The following ACACB variants were observed in gnomAD, a reference collection of about 807,000 sequenced individuals.
The protein encoded by ACACB is acetyl-CoA carboxylase 2.
A neutral mutation model predicts 278.8 loss-of-function variants in ACACB; 209 were observed. The ratio of observed to expected loss-of-function variants is 0.75; its 90% confidence interval spans 0.67 to 0.84. The LOEUF (loss-of-function observed/expected upper bound fraction) is 0.84. Ranked by LOEUF, ACACB falls within the 40% of genes least tolerant of loss-of-function variation. The pLI is 0.00. For synonymous variants in ACACB, 1,174 were observed against 1,285.6 expected, an observed-to-expected ratio of 0.91 and a Z score of 1.86; for missense variants, 2,850 against 3,269.0, an observed-to-expected ratio of 0.87 and a Z score of 3.13.
chr12:109,209,822 CAT>C (rs1184604505), intron 21 of ACACB, among the ~76,000 whole-genome samples: 4 of 133,482 alleles, frequency 3.0e-5, no homozygotes, highest in East Asian at 4.2e-4. Flanking sequence ...CATATATATG[CAT>C]ATATATACAC....
chr12:109,240,072 A>G, intron 35 of ACACB, 87 bp downstream of exon 35: 5 of 1,475,326 alleles, frequency 3.4e-6, no homozygotes, highest in Non-Finnish European at 4.6e-6. Flanking sequence ...TTGCCACTCA[A>G]GACCTGGGTT....
At chr12:109,150,873 T>C (rs1308935909) in intron 2 of ACACB, among the ~76,000 whole-genome samples, 3 of 152,268 alleles carry the variant, frequency 2.0e-5, no homozygotes, top group African/African-American at 7.2e-5. Flanking sequence ...ATTCATTTAT[T>C]GACTTAGGAA....
At chr12:109,135,534 T>A in intron 1 of ACACB, among the ~76,000 whole-genome samples, 1 of 151,820 alleles carries the variant, frequency 6.6e-6, no homozygotes, top group East Asian at 2.0e-4. Flanking sequence ...TGAAGTCCAA[T>A]TTACCTATTT....
chr12:109,177,677 C>T (rs1249623463), intron 9 of ACACB, among the ~76,000 whole-genome samples: 1 of 152,154 alleles, frequency 6.6e-6, no homozygotes, highest in African/African-American at 2.4e-5. Context: ...TTTCATATAA[C>T]TTTGCAACTA....
chr12:109,192,883 C>T (rs2044944840), intron 15 of ACACB, among the ~76,000 whole-genome samples: 1 of 152,162 alleles, frequency 6.6e-6, no homozygotes, highest in Admixed American at 6.5e-5. Flanking sequence ...CCAGGCTGGT[C>T]TCAAACTCAT....
At chr12:109,162,030 G>T (rs1335693043) in intron 2 of ACACB, among the ~76,000 whole-genome samples, 1 of 150,376 alleles carries the variant, frequency 6.6e-6, no homozygotes, top group Non-Finnish European at 1.5e-5. Flanking sequence ...AGGCTGGAGT[G>T]CAGTGGTGTG....
At chr12:109,186,690 C>T (rs1194733101) in intron 12 of ACACB, among the ~76,000 whole-genome samples, 2 of 152,102 alleles carry the variant, frequency 1.3e-5, no homozygotes, top group African/African-American at 2.4e-5. Flanking sequence ...GGTACACCTC[C>T]ACCCCTTTTA....
chr12:109,209,999 G>C (rs28720807), intron 21 of ACACB, among the ~76,000 whole-genome samples: 1 of 100,016 alleles, frequency 1.0e-5, no homozygotes, highest in Non-Finnish European at 1.9e-5. Context: ...GTATATATGT[G>C]TATATGTGTA....
intron 38 of ACACB, among the ~76,000 whole-genome samples, 198 bp from the exon 39 acceptor site, chr12:109,245,981 C>T (rs775560670): frequency 5.3e-5 from 8 of 151,914 alleles, no homozygotes; most frequent in Non-Finnish European, 1.0e-4. Flanking sequence ...CCCAGCTACT[C>T]GAGAGACTGA....
At position 109,260,013 on chromosome 12, in the gene ACACB, C is replaced by T. The variant is rs901638390; in HGVS notation, c.6497-467C>T. The T allele has an allele frequency of 4.6e-5, 58 of 1,273,504 alleles. No individual in the cohort carries two copies. In the African/African-American group the frequency reaches 8.6e-4, roughly 19 times the overall value. The allele number at this position is 1,273,504 out of a possible 1,614,324, so 78.9% of individuals were successfully genotyped here. A position where few individuals can be genotyped will look rare whatever the true frequency, so the allele number is the denominator to read the frequency against. On this transcript the variant is annotated intron_variant, in intron 47 of 52. Coordinates refer to ENST00000338432, the MANE Select transcript of ACACB (RefSeq NM_001093.4). ...AAGAGTCTGATGAGCTAATTGCTGA[C>T]ATGCAGTGTGATTGTCAGTGCTGTT...
upstream of ACACB, among the ~76,000 whole-genome samples, chr12:109,114,679 A>T (rs964690169): frequency 1.1e-3 from 165 of 148,898 alleles, 1 homozygote; most frequent in Non-Finnish European, 2.0e-3. Flanking sequence ...CCTTGTCTTT[A>T]AAAAAAAAAA....
intron 4 of ACACB, among the ~76,000 whole-genome samples, chr12:109,171,493 G>T (rs1338929037): frequency 6.6e-6 from 1 of 152,048 alleles, no homozygotes. Context: ...TGGATTACAG[G>T]TGCCCACCAC....
Position 109,265,390 on chromosome 12 carries a change from CCTACTTG to C in ACACB, c.7116_7122del (p.Tyr2373GlyfsTer32). 6.2e-7 allele frequency: 1 copy of C among 1,613,802 alleles called. No homozygotes were observed. The highest frequency in any genetic ancestry group is 8.5e-7 in the Non-Finnish European group (1 of 1,179,936). On this transcript the variant is annotated frameshift_variant and splice_region_variant, in exon 52 of 53. Coordinates refer to ENST00000338432, the MANE Select transcript of ACACB (RefSeq NM_001093.4). LOFTEE classifies it high-confidence loss of function. ...AGGCATCCTCTGCCCCCTCCCCAGG[CCTACTTG>C]TGGGACAACAACCAGGTGGTTGTGC...
At chr12:109,171,963 C>A in intron 5 of ACACB, 49 bp downstream of exon 5, 1 of 1,456,544 alleles carries the variant, frequency 6.9e-7, no homozygotes, top group South Asian at 1.1e-5. Flanking sequence ...TGGGATGATG[C>A]CCCTAGGTTC....
chr12:109,154,527 T>G (rs1370533604), intron 2 of ACACB, among the ~76,000 whole-genome samples: 1 of 150,400 alleles, frequency 6.6e-6, no homozygotes, highest in Non-Finnish European at 1.5e-5. Context: ...TCATTTCGGC[T>G]GCCGAAGCTC....
At chr12:109,210,256 T>C (rs373059852) in intron 21 of ACACB, among the ~76,000 whole-genome samples, 423 of 6,382 alleles carry the variant, frequency 0.066, 24 homozygotes, top group Non-Finnish European at 0.14. Flanking sequence ...TATACACACA[T>C]GTGTGTATAT....
Position 109,242,471 on chromosome 12 carries a change from C to G in ACACB, c.5057C>G (p.Pro1686Arg), listed in dbSNP as rs61739667. 1,611 of 1,614,016 alleles carry G rather than the reference C, an allele frequency of 1.0e-3. 13 individuals are homozygous for G. In the South Asian group the frequency reaches 0.011, roughly 11 times the overall value. Reference sequence around the variant, plus strand: ...CACTCCTTCGGCAACAAGCAAGGGCCCCAGCACGGGATGCTGATCAATACT... The same window carrying G: ...CACTCCTTCGGCAACAAGCAAGGGCGCCAGCACGGGATGCTGATCAATACT... ...MFHSFGNKQG[P>R]QHGMLINTPY... The change falls in exon 37 of 53, where the codon CCC (proline) becomes CGC (arginine). Residue 1686 changes from proline (P) to arginine (R), a missense_variant. Around this residue, in one of 3 missense-constraint regions of ACACB, gnomAD observed 2,265 missense variants for 2,561.3 expected, o/e 0.88. Transcript: ENST00000338432.
chr12:109,189,605 G>A (rs566216113), intron 13 of ACACB, among the ~76,000 whole-genome samples: 1 of 152,104 alleles, frequency 6.6e-6, no homozygotes, highest in East Asian at 1.9e-4. Flanking sequence ...TGCTAAAATG[G>A]GGACCACCCC....
At chr12:109,209,974 T>TATATGTGTATATATAC in intron 21 of ACACB, among the ~76,000 whole-genome samples, 1 of 97,280 alleles carries the variant, frequency 1.0e-5, no homozygotes, top group South Asian at 2.9e-4. Context: ...TATACACACA[T>TATATGTGTATATATAC]ACACACACGT....
Sources: gnomAD v4.1 joint callset for allele counts (sites outside exome capture counted in the v4.1 genomes callset) on GRCh38, gnomAD v4.1.1 for gene constraint, gnomAD v4.1.1 regional missense constraint, MANE v1.5 for transcripts, NCBI Gene and HGNC (gene_info 2026-07-23, HGNC 2026-07-21) for gene names.